CTNND2: variants seen among roughly 807,000 people sequenced by gnomAD.
CTNND2 encodes the protein catenin delta 2.
Under a neutral mutation model 144.4 loss-of-function variants are expected in CTNND2, and 22 were observed. The observed-to-expected ratio is 0.15, with a 90% confidence interval of 0.11 to 0.22. The LOEUF is 0.22. Ranked by LOEUF, CTNND2 falls within the 10% of genes least tolerant of loss-of-function variation. The probability of loss-of-function intolerance (pLI) is 1.00; values close to 1 mark genes in which losing one functional copy is unlikely to be tolerated. For missense variants in CTNND2, 1,353 were observed against 1,618.8 expected, an observed-to-expected ratio of 0.84 and a Z score of 2.82; for synonymous variants, 751 against 695.6, an observed-to-expected ratio of 1.08 and a Z score of -1.25.
chr5:10,981,796 C>G lies in CTNND2; in HGVS notation c.3394G>C (p.Ala1132Pro), dbSNP rs753111084. The G allele has an allele frequency of 9.3e-6, 15 of 1,613,764 alleles. No homozygotes were observed. In the East Asian group the frequency reaches 3.3e-4, roughly 36 times the overall value. The change falls in exon 21 of 22, where the codon GCT becomes CCT. Residue 1132 changes from alanine (A) to proline (P), a missense_variant. Physicochemically the swap from Ala to Pro is conservative, Grantham distance 27 (BLOSUM62 -1). Coordinates refer to ENST00000304623, the MANE Select transcript of CTNND2 (RefSeq NM_001332.4). Reference sequence around the variant, plus strand: ...ACCTGGTTGTGTTTGATGTCTTCAGCGGGCGCACCATAAGAATTCCTATAC... The same window carrying G: ...ACCTGGTTGTGTTTGATGTCTTCAGGGGGCGCACCATAAGAATTCCTATAC... The part of the protein sequence containing the change: ...TLYRNSYGAP[A>P]EDIKHNQVSA...
At chr5:11,493,027 C>T (rs1371736942) in intron 3 of CTNND2, among the ~76,000 whole-genome samples, 5 of 152,148 alleles carry the variant, frequency 3.3e-5, no homozygotes, top group Non-Finnish European at 5.9e-5. Flanking sequence ...CGCCACTACA[C>T]TCCAGCCTGG....
At chr5:11,492,489 A>G (rs981729755) in intron 3 of CTNND2, among the ~76,000 whole-genome samples, 6 of 137,950 alleles carry the variant, frequency 4.3e-5, no homozygotes, top group Non-Finnish European at 9.1e-5. Context: ...CTCTTTCTAC[A>G]GCTATATATA....
intron 12 of CTNND2, among the ~76,000 whole-genome samples, chr5:11,144,926 CA>C (rs1365243004): frequency 6.6e-6 from 1 of 152,108 alleles, no homozygotes; most frequent in Non-Finnish European, 1.5e-5. Flanking sequence ...ACTTTCATTA[CA>C]ATTGCACGAT....
intron 2 of CTNND2, among the ~76,000 whole-genome samples, chr5:11,627,499 T>C (rs1413847070): frequency 6.6e-6 from 1 of 152,142 alleles, no homozygotes; most frequent in East Asian, 1.9e-4. Flanking sequence ...AATAGATATT[T>C]GATGAAAGCT....
chr5:11,176,403 A>G (rs1015651972), intron 11 of CTNND2, among the ~76,000 whole-genome samples: 6 of 152,122 alleles, frequency 3.9e-5, no homozygotes, highest in African/African-American at 1.2e-4. Flanking sequence ...AGCCACCGAC[A>G]TGTTCATTGT....
chr5:11,217,673 A>T (rs1037808097), intron 10 of CTNND2, among the ~76,000 whole-genome samples: 1 of 152,184 alleles, frequency 6.6e-6, no homozygotes, highest in Non-Finnish European at 1.5e-5. Flanking sequence ...AGGGTCTAAC[A>T]GGAATTTCAG....
chr5:11,207,032 T>C (rs1738117034), intron 10 of CTNND2, among the ~76,000 whole-genome samples: 1 of 152,220 alleles, frequency 6.6e-6, no homozygotes, highest in Non-Finnish European at 1.5e-5. Context: ...ATGCTACATA[T>C]ATACCATGGA....
chr5:11,787,321 G>A (rs371234368), intron 1 of CTNND2, among the ~76,000 whole-genome samples: 48 of 152,046 alleles, frequency 3.2e-4, no homozygotes, highest in Admixed American at 5.9e-4. Flanking sequence ...TTAACAACTC[G>A]GCAAGATTTG....
At chr5:11,137,735 T>G (rs1756304248) in intron 12 of CTNND2, among the ~76,000 whole-genome samples, 2 of 152,322 alleles carry the variant, frequency 1.3e-5, no homozygotes, top group South Asian at 4.1e-4. Flanking sequence ...AAATCCTTAT[T>G]TATGGAATGT....
At chr5:11,781,027 C>T (rs904629079) in intron 1 of CTNND2, among the ~76,000 whole-genome samples, 3 of 152,166 alleles carry the variant, frequency 2.0e-5, no homozygotes, top group African/African-American at 7.2e-5. Flanking sequence ...TGTTCCAAGC[C>T]AACTACTTTA....
chr5:11,375,813 C>G (rs138179314), intron 7 of CTNND2, among the ~76,000 whole-genome samples: 1 of 152,126 alleles, frequency 6.6e-6, no homozygotes, highest in Non-Finnish European at 1.5e-5. Flanking sequence ...ACAATAAATA[C>G]TACATATCTG....
At chr5:11,771,517 T>C (rs1207061735) in intron 1 of CTNND2, among the ~76,000 whole-genome samples, 3 of 152,104 alleles carry the variant, frequency 2.0e-5, no homozygotes, top group African/African-American at 4.8e-5. Context: ...GAAAAGTCAA[T>C]GTTAAAGGGT....
intron 11 of CTNND2, among the ~76,000 whole-genome samples, chr5:11,197,655 G>A (rs1324225856): frequency 1.3e-5 from 2 of 152,320 alleles, no homozygotes; most frequent in East Asian, 3.9e-4. Context: ...ACACCCAGAA[G>A]CTGTTGGAAG....
chr5:11,434,829 G>C (rs1000910411), intron 3 of CTNND2, among the ~76,000 whole-genome samples: 2 of 152,078 alleles, frequency 1.3e-5, no homozygotes, highest in African/African-American at 2.4e-5. Flanking sequence ...CCATATCCCA[G>C]GCTCAAACAT....
intron 1 of CTNND2, among the ~76,000 whole-genome samples, chr5:11,744,030 C>A (rs1374521092): frequency 6.6e-6 from 1 of 152,126 alleles, no homozygotes; most frequent in Non-Finnish European, 1.5e-5. Flanking sequence ...CAAGATGGAA[C>A]GGTGCTCCTC....
intron 14 of CTNND2, among the ~76,000 whole-genome samples, chr5:11,110,275 C>G (rs556636097): frequency 1.3e-5 from 2 of 152,186 alleles, no homozygotes; most frequent in Non-Finnish European, 2.9e-5. Context: ...TCTCAAGAGG[C>G]CTCCAGCTCC....
chr5:11,119,401 C>G (rs1269918137), intron 12 of CTNND2, among the ~76,000 whole-genome samples: 1 of 152,150 alleles, frequency 6.6e-6, no homozygotes. Flanking sequence ...AATTTCTCAG[C>G]TTCCTAGATA....
At chr5:11,709,193 A>G (rs968040846) in intron 2 of CTNND2, among the ~76,000 whole-genome samples, 1 of 152,206 alleles carries the variant, frequency 6.6e-6, no homozygotes. Context: ...GGCTGGGAAG[A>G]TAAAATCAGC....
chr5:11,488,455 C>T (rs977537693), intron 3 of CTNND2, among the ~76,000 whole-genome samples: 6 of 152,250 alleles, frequency 3.9e-5, no homozygotes, highest in African/African-American at 1.4e-4. Flanking sequence ...ACCAAAAATG[C>T]GGTTCCATTA....
Sources: gnomAD v4.1 joint callset for allele counts (sites outside exome capture counted in the v4.1 genomes callset) on GRCh38, gnomAD v4.1.1 for gene constraint, MANE v1.5 for transcripts, NCBI Gene and HGNC (gene_info 2026-07-23, HGNC 2026-07-21) for gene names.